The following MCTP1 variants were observed in gnomAD, a reference collection of about 807,000 sequenced individuals.
The protein encoded by MCTP1 is multiple C2 and transmembrane domain containing 1.
Under a neutral mutation model 120.6 loss-of-function variants are expected in MCTP1, and 69 were observed. The observed-to-expected ratio is 0.57, with a 90% confidence interval of 0.47 to 0.70. The LOEUF (loss-of-function observed/expected upper bound fraction) is 0.70. MCTP1 is among the 30% of genes least tolerant of loss of function. The pLI is 0.00. For synonymous variants in MCTP1, 529 were observed against 493.1 expected, an observed-to-expected ratio of 1.07 and a Z score of -0.96; for missense variants, 1,203 against 1,248.8, an observed-to-expected ratio of 0.96 and a Z score of 0.55.
intron 1 of MCTP1, among the ~76,000 whole-genome samples, chr5:95,082,393 T>C (rs945276798): frequency 6.6e-6 from 1 of 152,198 alleles, no homozygotes; most frequent in African/African-American, 2.4e-5. Flanking sequence ...TTATTATATT[T>C]AGATACCTCA....
chr5:95,029,927 T>C (rs1839974804), intron 1 of MCTP1, among the ~76,000 whole-genome samples: 1 of 152,202 alleles, frequency 6.6e-6, no homozygotes, highest in Non-Finnish European at 1.5e-5. Context: ...TGCTCTGACA[T>C]TGGCAAGCAC....
chr5:95,251,080 A>G (rs1757336944), intron 1 of MCTP1, among the ~76,000 whole-genome samples: 1 of 152,176 alleles, frequency 6.6e-6, no homozygotes, highest in Non-Finnish European at 1.5e-5. Flanking sequence ...TTTAGCAAAC[A>G]CAGACGAGAA....
At chr5:94,862,687 A>ATT (rs879774647) in intron 17 of MCTP1, among the ~76,000 whole-genome samples, 1 of 151,802 alleles carries the variant, frequency 6.6e-6, no homozygotes, top group Non-Finnish European at 1.5e-5. Flanking sequence ...CTTTTATATA[A>ATT]TTGCAGGAAT....
intron 1 of MCTP1, among the ~76,000 whole-genome samples, chr5:95,019,658 C>T (rs1412910778): frequency 1.3e-5 from 2 of 152,042 alleles, no homozygotes; most frequent in African/African-American, 2.4e-5. Context: ...CAAAAGTGTA[C>T]AAGAGTGCCT....
At position 94,752,108 on chromosome 5, in the gene MCTP1, A is replaced by AATATATATATATATATATATAT. The variant is rs146434254; in HGVS notation, c.2610+26980_2610+27001dup. Among the ~76,000 whole-genome samples, 285 of 75,682 alleles carry AATATATATATATATATATATAT rather than the reference A, an allele frequency of 3.8e-3. 16 individuals carry two copies. Among genetic ancestry groups the AATATATATATATATATATATAT allele is most frequent in the Admixed American group, 5.6e-3 (36 of 6,454 alleles). 49.7% of individuals were successfully genotyped at this position (75,682 alleles called of 152,430 possible). On this transcript the variant is annotated intron_variant, in intron 19 of 22. Transcript: ENST00000515393. Reference sequence around the variant, plus strand: ...ATGTACCCTAAAACTTAAATAATAAAATATATATATATATATATATATATA... The same window carrying AATATATATATATATATATATAT: ...ATGTACCCTAAAACTTAAATAATAAAATATATATATATATATATATATATATATATATATATATATATATATA...
intron 1 of MCTP1, among the ~76,000 whole-genome samples, chr5:95,168,683 G>A (rs970110416): frequency 2.6e-5 from 4 of 152,120 alleles, no homozygotes; most frequent in African/African-American, 2.4e-5. Context: ...GAGTTCACTA[G>A]TGATTTGGCT....
Position 95,284,402 on chromosome 5 carries a change from CG to C in MCTP1, c.173del (p.Pro58ArgfsTer76), listed in dbSNP as rs1760589046. 1 of 1,587,646 alleles carries C rather than the reference CG, an allele frequency of 6.3e-7. No individual in the cohort carries two copies. Among genetic ancestry groups the C allele is most frequent in the Non-Finnish European group, 8.5e-7 (1 of 1,175,344 alleles). On this transcript the variant is annotated frameshift_variant, in exon 1 of 23. Transcript: ENST00000515393. LOFTEE classifies it high-confidence loss of function. The surrounding 1 kb of genome is among the most constrained non-coding windows in gnomAD (Gnocchi z 5.2). The stretch of plus-strand genomic sequence containing the variant: ...CATTCCCTGTGCCCACCGGGGGTGG[CG>C]GGGAGGGCGACGGGGTGTCCGCAGT... ...RRTADTPSPSPPPPVGTGNAP... is the reference protein window; with the variant it reads ...RRTADTPSPSXPPPVGTGNAP...
rs890793802 is a variant in MCTP1, at chr5:95,049,276, A to G, written c.721-31792T>C. The stretch of plus-strand genomic sequence containing the variant: ...TAAATTTTATAACATTTGCCTCCCA[A>G]GGAACAACACTCTCATTCAAGGAAA... On this transcript the variant is annotated intron_variant, in intron 1 of 22. Coordinates refer to ENST00000515393, the MANE Select transcript of MCTP1 (RefSeq NM_024717.7). Among the ~76,000 whole-genome samples the G allele has an allele frequency of 6.6e-5, 10 of 152,260 alleles. 1 individual carries two copies. The highest frequency in any genetic ancestry group is 2.4e-4 in the African/African-American group (10 of 41,560).
chr5:95,219,191 C>A (rs1753382616), intron 1 of MCTP1, among the ~76,000 whole-genome samples: 1 of 152,090 alleles, frequency 6.6e-6, no homozygotes, highest in South Asian at 2.1e-4. Flanking sequence ...ACCATCCTGG[C>A]TAATACGGTG....
At chr5:95,229,004 C>T (rs1368500513) in intron 1 of MCTP1, among the ~76,000 whole-genome samples, 1 of 152,038 alleles carries the variant, frequency 6.6e-6, no homozygotes, top group Non-Finnish European at 1.5e-5. Flanking sequence ...TGTAGCAATG[C>T]AAGAATGAAC....
chr5:94,815,401 T>C (rs7731323), intron 17 of MCTP1, among the ~76,000 whole-genome samples: 1,571 of 152,326 alleles, frequency 0.01, 34 homozygotes, highest in African/African-American at 0.036. Context: ...TCTCTATCTA[T>C]CAATTGCTGC....
At position 94,801,302 on chromosome 5, in the gene MCTP1, C is replaced by A. The variant is rs115093334; in HGVS notation, c.2437-2170G>T. On this transcript the variant is annotated intron_variant, in intron 17 of 22. Transcript: ENST00000515393. ...ATGGATAAATGGACACTGGGTTCCC[C>A]AATCATTCTACAGAATTCTATTTAA... Among the ~76,000 whole-genome samples, 764 of 152,276 alleles carry A rather than the reference C, an allele frequency of 5.0e-3. 4 individuals are homozygous for A. The highest frequency in any genetic ancestry group is 0.018 in the African/African-American group (754 of 41,570).
intron 2 of MCTP1, among the ~76,000 whole-genome samples, chr5:94,986,019 T>A (rs994765450): frequency 6.6e-6 from 1 of 152,224 alleles, no homozygotes; most frequent in Non-Finnish European, 1.5e-5. Flanking sequence ...GATTGACATA[T>A]GGACATAGAT....
chr5:94,896,841 T>C (rs1363017633), intron 10 of MCTP1, among the ~76,000 whole-genome samples: 1 of 152,136 alleles, frequency 6.6e-6, no homozygotes, highest in Non-Finnish European at 1.5e-5. Flanking sequence ...ATTCTTGCAG[T>C]CTCCTTAATT....
intron 17 of MCTP1, among the ~76,000 whole-genome samples, chr5:94,836,175 GTC>G (rs1337409856): frequency 6.0e-5 from 4 of 66,314 alleles, no homozygotes; most frequent in Admixed American, 5.1e-4. Flanking sequence ...GCAAGACTCC[GTC>G]TCAAAAAAAA....
intron 5 of MCTP1, among the ~76,000 whole-genome samples, chr5:94,938,993 C>A (rs560339393): frequency 1.8e-4 from 27 of 152,122 alleles, no homozygotes; most frequent in Admixed American, 1.2e-3. Flanking sequence ...TATTATCTGG[C>A]AATTCTTATT....
At chr5:94,817,407 A>AAC (rs569268268) in intron 17 of MCTP1, among the ~76,000 whole-genome samples, 3 of 149,922 alleles carry the variant, frequency 2.0e-5, no homozygotes, top group African/African-American at 7.4e-5. Flanking sequence ...CTCTTGTCTC[A>AAC]AAACAAACAA....
intron 11 of MCTP1, among the ~76,000 whole-genome samples, chr5:94,894,034 T>C (rs973252258): frequency 1.3e-5 from 2 of 152,236 alleles, no homozygotes; most frequent in African/African-American, 4.8e-5. Context: ...TAAGATTTGG[T>C]TGTGAATATT....
intron 2 of MCTP1, among the ~76,000 whole-genome samples, chr5:94,965,118 T>C (rs1825272689): frequency 6.6e-6 from 1 of 152,196 alleles, no homozygotes; most frequent in Non-Finnish European, 1.5e-5. Context: ...CTCTGAATCA[T>C]TTCTTATAAT....
Sources: gnomAD v4.1 joint callset for allele counts (sites outside exome capture counted in the v4.1 genomes callset) on GRCh38, gnomAD v4.1.1 for gene constraint, Gnocchi (gnomAD v3.1) non-coding constraint, MANE v1.5 for transcripts, NCBI Gene and HGNC (gene_info 2026-07-23, HGNC 2026-07-21) for gene names.